The following REPS1 variants were observed in gnomAD, a reference collection of about 807,000 sequenced individuals.
REPS1 encodes RALBP1 associated Eps domain containing 1.
A neutral mutation model predicts 100.9 loss-of-function variants in REPS1; 39 were observed. The observed-to-expected ratio is 0.39, with a 90% CI of 0.30 to 0.50. REPS1 has a LOEUF of 0.50. Among genes scored for constraint, REPS1 ranks in the 20% least tolerant of loss-of-function variants. REPS1 has a pLI of 0.86. For missense variants in REPS1, 821 were observed against 968.5 expected, an observed-to-expected ratio of 0.85 and a Z score of 2.02; for synonymous variants, 324 against 340.3, an observed-to-expected ratio of 0.95 and a Z score of 0.53.
intron 1 of REPS1, among the ~76,000 whole-genome samples, chr6:138,974,442 A>G (rs960244232): frequency 6.6e-6 from 1 of 152,208 alleles, no homozygotes. Context: ...CTCACTCCTC[A>G]GCTAAATACA....
intron 13 of REPS1, among the ~76,000 whole-genome samples, chr6:138,917,018 G>A (rs145034120): frequency 1.3e-5 from 2 of 152,262 alleles, no homozygotes; most frequent in African/African-American, 2.4e-5. Context: ...TACTCAACAC[G>A]TGCAAAAAGT....
chr6:138,909,465 T>C (rs1180738229), intron 17 of REPS1, among the ~76,000 whole-genome samples: 2 of 152,148 alleles, frequency 1.3e-5, no homozygotes, highest in African/African-American at 4.8e-5. Flanking sequence ...TTACTGTGAG[T>C]TGACAAAAAT....
intron 1 of REPS1, among the ~76,000 whole-genome samples, chr6:138,959,957 T>TG (rs1333448176): frequency 2.6e-5 from 4 of 152,120 alleles, no homozygotes; most frequent in Admixed American, 1.3e-4. Flanking sequence ...GAAGACTCCC[T>TG]GTTCCCACAT....
chr6:138,949,147 T>G (rs1363723939), intron 1 of REPS1, among the ~76,000 whole-genome samples: 2 of 152,216 alleles, frequency 1.3e-5, no homozygotes, highest in East Asian at 3.9e-4. Flanking sequence ...TAAATACTTT[T>G]GTTTATATAA....
At chr6:138,949,276 T>C (rs370650098) in intron 1 of REPS1, among the ~76,000 whole-genome samples, 2 of 152,164 alleles carry the variant, frequency 1.3e-5, no homozygotes, top group African/African-American at 4.8e-5. Context: ...AATGAGGAGG[T>C]AGTGTTCAAG....
chr6:138,935,040 T>C (rs1363380927), intron 8 of REPS1, among the ~76,000 whole-genome samples: 1 of 152,214 alleles, frequency 6.6e-6, no homozygotes, highest in East Asian at 1.9e-4. Context: ...TTGAATGATA[T>C]TATATGCATC....
intron 1 of REPS1, among the ~76,000 whole-genome samples, chr6:138,955,037 G>T (rs779508784): frequency 6.6e-6 from 1 of 152,186 alleles, no homozygotes; most frequent in South Asian, 2.1e-4. Context: ...CTCTACTGAT[G>T]GATATTTAGG....
intron 1 of REPS1, among the ~76,000 whole-genome samples, chr6:138,953,653 A>G (rs907529489): frequency 3.3e-5 from 5 of 149,648 alleles, no homozygotes; most frequent in Admixed American, 6.7e-5. Flanking sequence ...ATGAGGTATC[A>G]TCTCACCCCA....
chr6:138,983,060 C>T (rs1430262470), intron 1 of REPS1, among the ~76,000 whole-genome samples: 2 of 152,216 alleles, frequency 1.3e-5, no homozygotes, highest in East Asian at 3.8e-4. Context: ...TTTTATTCCT[C>T]ACCCTGCTCC....
In REPS1 at chr6:138,988,105, T is replaced by C; in HGVS notation, c.-423A>G. Reference sequence around the variant, plus strand: ...CTCGGCTTCCCCTTCCGTCCACGCCTCCGGAGCGGCAGCGCTTCCCGGAAA... The same window carrying C: ...CTCGGCTTCCCCTTCCGTCCACGCCCCCGGAGCGGCAGCGCTTCCCGGAAA... On this transcript the variant is annotated 5_prime_UTR_variant, in exon 1 of 20. Coordinates refer to ENST00000450536, the MANE Select transcript of REPS1 (RefSeq NM_001286611.2). 1 of 398,016 alleles carries C rather than the reference T, an allele frequency of 2.5e-6. No individual in the cohort carries two copies. Among genetic ancestry groups the C allele is most frequent in the Non-Finnish European group, 4.4e-6 (1 of 225,680 alleles). 24.7% of individuals were successfully genotyped at this position (398,016 alleles called of 1,614,324 possible).
At chr6:138,921,447 C>T (rs1780748822) in intron 10 of REPS1, among the ~76,000 whole-genome samples, 1 of 151,870 alleles carries the variant, frequency 6.6e-6, no homozygotes, top group Non-Finnish European at 1.5e-5. Context: ...ATCACTTGAG[C>T]CCAGAGAATA....
chr6:138,949,431 A>G (rs1373751989), intron 1 of REPS1, among the ~76,000 whole-genome samples: 1 of 152,206 alleles, frequency 6.6e-6, no homozygotes, highest in Non-Finnish European at 1.5e-5. Flanking sequence ...ACTCATTTTA[A>G]GAAGTTTTAT....
intron 11 of REPS1, 126 bp downstream of exon 11, chr6:138,920,911 T>C: frequency 4.5e-6 from 3 of 669,864 alleles, no homozygotes; most frequent in South Asian, 1.8e-5. Context: ...TGCATGAACA[T>C]ATACATAATT....
rs115765239 is a variant in REPS1 at position 138,951,466 on chromosome 6, T to C, written c.154-3553A>G. ...CTTCCTTTGATTCCTGGAATGAATT[T>C]CATTTAGACGTGGTGTATTACTTTT... On this transcript the variant is annotated intron_variant, in intron 1 of 19. Coordinates refer to ENST00000450536, the MANE Select transcript of REPS1 (RefSeq NM_001286611.2). Among the ~76,000 whole-genome samples, 1,148 of 152,294 alleles carry C rather than the reference T, an allele frequency of 7.5e-3. 9 individuals are homozygous for C. The highest frequency in any genetic ancestry group is 0.026 in the African/African-American group (1,061 of 41,570).
At chr6:138,909,202 T>C (rs1779851963) in intron 17 of REPS1, among the ~76,000 whole-genome samples, 1 of 152,180 alleles carries the variant, frequency 6.6e-6, no homozygotes, top group African/African-American at 2.4e-5. Flanking sequence ...CTAACATTCA[T>C]CTTAGTGAAT....
intron 7 of REPS1, among the ~76,000 whole-genome samples, chr6:138,942,510 C>T (rs1449468728): frequency 6.6e-6 from 1 of 152,094 alleles, no homozygotes; most frequent in Non-Finnish European, 1.5e-5. Context: ...GGTATGACCT[C>T]AGCTCACTGC....
At chr6:138,927,480 C>T (rs1345081628) in intron 9 of REPS1, 1 of 152,152 alleles carries the variant, frequency 6.6e-6, no homozygotes, top group African/African-American at 2.4e-5. Flanking sequence ...AAAACATCTA[C>T]ACACATACAA....
At chr6:138,921,204 C>T (rs1337715007) in intron 10 of REPS1, 80 bp from the exon 11 acceptor site, 7 of 950,550 alleles carry the variant, frequency 7.4e-6, no homozygotes, top group African/African-American at 5.0e-5. Flanking sequence ...ACAAACAAAA[C>T]TAAAAACCAG....
intron 17 of REPS1, among the ~76,000 whole-genome samples, chr6:138,909,382 C>T (rs1262186734): frequency 6.6e-6 from 1 of 152,174 alleles, no homozygotes; most frequent in Non-Finnish European, 1.5e-5. Flanking sequence ...TTTACCATAA[C>T]TTGATTTACC....
Sources: gnomAD v4.1 joint callset for allele counts (sites outside exome capture counted in the v4.1 genomes callset) on GRCh38, gnomAD v4.1.1 for gene constraint, MANE v1.5 for transcripts, NCBI Gene and HGNC (gene_info 2026-07-23, HGNC 2026-07-21) for gene names.